Variants in CACNA1C observed in about 807,000 individuals in gnomAD.
The protein encoded by CACNA1C is voltage-dependent L-type calcium channel subunit alpha-1C.
Under a neutral mutation model 229.0 loss-of-function variants are expected in CACNA1C, and 30 were observed. The ratio of observed to expected loss-of-function variants is 0.13; its 90% CI spans 0.10 to 0.18. CACNA1C has a LOEUF of 0.18. Among genes scored for constraint, CACNA1C ranks in the 10% least tolerant of loss-of-function variants. The pLI is 1.00. For synonymous variants in CACNA1C, 1,114 were observed against 1,132.5 expected, an observed-to-expected ratio of 0.98 and a Z score of 0.33; for missense variants, 1,658 against 2,845.0, an observed-to-expected ratio of 0.58 and a Z score of 9.49.
At chr12:2,446,018 ATGGGTGGATGGATGGGTGGGTAAG>A (rs1332529830) in intron 3 of CACNA1C, among the ~76,000 whole-genome samples, 4 of 152,162 alleles carry the variant, frequency 2.6e-5, no homozygotes, top group Non-Finnish European at 5.9e-5. Flanking sequence ...AAGGGGACAG[ATGGGTGGATGGATGGGTGGGTAAG>A]TGGGTGGATG....
chr12:2,097,371 C>A (rs540502930), intron 1 of CACNA1C, among the ~76,000 whole-genome samples: 1 of 152,036 alleles, frequency 6.6e-6, no homozygotes, highest in Non-Finnish European at 1.5e-5. Context: ...TAGTCTCGAT[C>A]TCCTGACCTT....
At chr12:2,584,167 T>C (rs566157075) in intron 15 of CACNA1C, among the ~76,000 whole-genome samples, 1 of 152,310 alleles carries the variant, frequency 6.6e-6, no homozygotes, top group South Asian at 2.1e-4. Context: ...ACAATGCTGT[T>C]TATAATGTCA....
chr12:2,616,331 C>G (rs1168707381), intron 29 of CACNA1C, among the ~76,000 whole-genome samples: 1 of 152,234 alleles, frequency 6.6e-6, no homozygotes, highest in Non-Finnish European at 1.5e-5. Context: ...GATGGTTTCT[C>G]TCATCCCCCT....
rs1488087579 is a variant in CACNA1C, at chr12:2,695,280, G to A, written c.*4081G>A. 1.3e-5 allele frequency: 2 copies of A among 152,262 alleles called. No homozygotes were observed. Among genetic ancestry groups the A allele is most frequent in the Non-Finnish European group, 2.9e-5 (2 of 68,084 alleles). The allele number at this position is 152,262 out of a possible 1,614,324, so 9.4% of individuals were successfully genotyped here. A position where few individuals can be genotyped will look rare whatever the true frequency, so the allele number is the denominator to read the frequency against. On this transcript the variant is annotated 3_prime_UTR_variant, in exon 47 of 47. Coordinates refer to ENST00000399655, the MANE Select transcript of CACNA1C (RefSeq NM_000719.7). ...CTTACCCACCCACAGTGACCAGTGTGGTGGAGCCGCTGACATCTCAAGGAT... is the reference window on the plus strand; with the variant it reads ...CTTACCCACCCACAGTGACCAGTGTAGTGGAGCCGCTGACATCTCAAGGAT...
At chr12:2,435,665 A>G (rs1357471109) in intron 3 of CACNA1C, among the ~76,000 whole-genome samples, 1 of 152,206 alleles carries the variant, frequency 6.6e-6, no homozygotes, top group African/African-American at 2.4e-5. Flanking sequence ...TGCTGCAGGC[A>G]CTGGAGGGAG....
chr12:2,091,181 T>A (rs1042391834), intron 1 of CACNA1C, among the ~76,000 whole-genome samples: 2 of 152,208 alleles, frequency 1.3e-5, no homozygotes, highest in African/African-American at 4.8e-5. Context: ...GGCTTCTCCC[T>A]CTGCAAGTCC....
chr12:2,351,413 G>A (rs1462970169), intron 3 of CACNA1C, among the ~76,000 whole-genome samples: 1 of 152,156 alleles, frequency 6.6e-6, no homozygotes, highest in Non-Finnish European at 1.5e-5. Context: ...CCTGGCCTCT[G>A]CTGAAGCGGC....
intron 6 of CACNA1C, among the ~76,000 whole-genome samples, chr12:2,487,404 G>A (rs370646280): frequency 2.7e-5 from 4 of 148,736 alleles, no homozygotes; most frequent in African/African-American, 7.5e-5. Context: ...AGTGAAATTC[G>A]TAGCAGAAAC....
rs1160763685 is a variant in CACNA1C at position 1,971,693 on chromosome 12, A to T, written c.139+492A>T. ...TTAAAGGCAGTGTCATGTCAGCGTC[A>T]TTCAAATGTACATTTTCATTTGTAA... On this transcript the variant is annotated intron_variant, in intron 1 of 46. Coordinates refer to the CACNA1C transcript ENST00000682462. This position sits in a 1 kb window ranked among gnomAD's most constrained non-coding sequence, Gnocchi z 4.2. Among the ~76,000 whole-genome samples, 3 of 152,256 alleles carry T rather than the reference A, an allele frequency of 2.0e-5. No homozygotes were observed. Among genetic ancestry groups the T allele is most frequent in the Non-Finnish European group, 4.4e-5 (3 of 68,044 alleles).
chr12:1,992,912 G>T, intron 1 of CACNA1C: 1 of 535,408 alleles, frequency 1.9e-6, no homozygotes, highest in Non-Finnish European at 3.3e-6. Context: ...TTAATTCTTC[G>T]TTCAGGGAGC....
chr12:2,499,451 G>A (rs740502), intron 7 of CACNA1C, among the ~76,000 whole-genome samples: 56,582 of 152,148 alleles, frequency 0.37, 11,078 homozygotes, highest in Non-Finnish European at 0.44. Flanking sequence ...CTGGGCTGGG[G>A]AGTTGGCCTC....
intron 5 of CACNA1C, among the ~76,000 whole-genome samples, chr12:2,482,070 A>G (rs2099677912): frequency 6.6e-6 from 1 of 152,272 alleles, no homozygotes; most frequent in African/African-American, 2.4e-5. Flanking sequence ...GCTGTTAAAC[A>G]TCCAGGCCCT....
chr12:2,007,317 A>T (rs1229323867), intron 1 of CACNA1C, among the ~76,000 whole-genome samples: 2 of 152,246 alleles, frequency 1.3e-5, no homozygotes, highest in East Asian at 3.8e-4. Context: ...TAAAGAATAG[A>T]TCATGGCCTC....
Position 2,512,761 on chromosome 12 carries a change from T to C in CACNA1C, c.1218-51T>C. 7.2e-7 allele frequency: 1 copy of C among 1,398,056 alleles called. No individual in the cohort carries two copies. The highest frequency in any genetic ancestry group is 9.7e-7 in the Non-Finnish European group (1 of 1,027,630). 86.6% of individuals were successfully genotyped at this position (1,398,056 alleles called of 1,614,324 possible). On this transcript the variant is annotated intron_variant, in intron 8 of 46. Coordinates refer to ENST00000399655, the MANE Select transcript of CACNA1C (RefSeq NM_000719.7). This position sits in a 1 kb window ranked among gnomAD's most constrained non-coding sequence, Gnocchi z 4.3. ...TTCCATCCTCGACCCTTCTCGGTGCTCCCTCCTTCTCTGTGCTCTCCTGCC... is the reference window on the plus strand; with the variant it reads ...TTCCATCCTCGACCCTTCTCGGTGCCCCCTCCTTCTCTGTGCTCTCCTGCC...
chr12:2,606,283 G>A (rs215991), intron 24 of CACNA1C, among the ~76,000 whole-genome samples: 7 of 151,452 alleles, frequency 4.6e-5, no homozygotes, highest in South Asian at 2.1e-4. Context: ...TAGAGCATTC[G>A]CCCCCGCTCC....
chr12:2,236,690 T>C (rs2067510468), intron 3 of CACNA1C, among the ~76,000 whole-genome samples: 1 of 152,166 alleles, frequency 6.6e-6, no homozygotes, highest in Non-Finnish European at 1.5e-5. Context: ...AGACACAAGG[T>C]TGAATCCATC....
chr12:2,508,370 G>A (rs749389251), intron 8 of CACNA1C, among the ~76,000 whole-genome samples: 1 of 152,234 alleles, frequency 6.6e-6, no homozygotes, highest in African/African-American at 2.4e-5. Flanking sequence ...GGAAATTCAG[G>A]GCTGCGCATG....
rs1408718025 is a variant in CACNA1C at position 2,654,519 on chromosome 12, G to A, written c.4140+619G>A. Among the ~76,000 whole-genome samples, 1 of 152,194 alleles carries A rather than the reference G, an allele frequency of 6.6e-6. No individual in the cohort carries two copies. The highest frequency in any genetic ancestry group is 2.4e-5 in the African/African-American group (1 of 41,452). ...TTGAGTCCCAAGGCCAAACTTGGCA[G>A]GGCGCCCACACTAGCCCAAAGCGCT... On this transcript the variant is annotated intron_variant, in intron 33 of 46. Coordinates refer to ENST00000399655, the MANE Select transcript of CACNA1C (RefSeq NM_000719.7). The surrounding 1 kb of genome is among the most constrained non-coding windows in gnomAD (Gnocchi z 4.4).
chr12:2,546,824 C>A (rs914015819), intron 9 of CACNA1C, among the ~76,000 whole-genome samples: 1 of 152,194 alleles, frequency 6.6e-6, no homozygotes, highest in African/African-American at 2.4e-5. Flanking sequence ...GAGCCCTAGG[C>A]CTTTGATGGG....
Sources: gnomAD v4.1 joint callset for allele counts (sites outside exome capture counted in the v4.1 genomes callset) on GRCh38, gnomAD v4.1.1 for gene constraint, Gnocchi (gnomAD v3.1) non-coding constraint, MANE v1.5 for transcripts, NCBI Gene and HGNC (gene_info 2026-07-23, HGNC 2026-07-21) for gene names.